TRAPPC8: variants seen among roughly 807,000 people sequenced by gnomAD.
TRAPPC8 encodes general sporulation gene 1 homolog.
Under a neutral mutation model 174.3 loss-of-function variants are expected in TRAPPC8, and 54 were observed. The observed-to-expected ratio is 0.31, with a 90% confidence interval of 0.25 to 0.39. The LOEUF (loss-of-function observed/expected upper bound fraction) is 0.39. TRAPPC8 is among the 10% of genes least tolerant of loss of function. The pLI is 1.00. For synonymous variants in TRAPPC8, 630 were observed against 579.9 expected (o/e 1.09, Z -1.24); for missense variants, 1,531 against 1,699.1 (o/e 0.90, Z 1.74).
intron 2 of TRAPPC8, among the ~76,000 whole-genome samples, chr18:31,919,581 TAAA>T (rs1568136564): frequency 9.4e-6 from 1 of 106,908 alleles, no homozygotes; most frequent in Non-Finnish European, 2.0e-5. Flanking sequence ...AATAAATAAA[TAAA>T]TAAATAAAAT....
In TRAPPC8 at chr18:31,870,486, T is replaced by C; in HGVS notation, c.2274A>G (p.Glu758=). 6.2e-7 allele frequency: 1 copy of C among 1,611,740 alleles called. No individual in the cohort carries two copies. Among genetic ancestry groups the C allele is most frequent in the South Asian group, 1.1e-5 (1 of 90,496 alleles). ...LAVVEEPITV[E]VAFRNPLKVL... is the part of the protein sequence containing the mutation. ...CTTTCAAAGGGTTTCTAAAAGCCAC[T>C]TCCACTGTAATTGGTTCTATTAAAA... The change falls in exon 16 of 29, where the codon GAA becomes GAG. Residue 758 remains glutamate (E), a synonymous_variant. Coordinates refer to ENST00000283351, the MANE Select transcript of TRAPPC8 (RefSeq NM_014939.5).
chr18:31,904,348 G>A (rs1272056437), intron 9 of TRAPPC8, among the ~76,000 whole-genome samples: 4 of 151,988 alleles, frequency 2.6e-5, no homozygotes, highest in East Asian at 1.9e-4. Context: ...TCTGGAGTTC[G>A]AGACCAGCCT....
At chr18:31,909,261 CT>C (rs2036805287) in intron 6 of TRAPPC8, among the ~76,000 whole-genome samples, 1 of 151,746 alleles carries the variant, frequency 6.6e-6, no homozygotes, top group Admixed American at 6.6e-5. Flanking sequence ...GAGAAAAATA[CT>C]TTATTTTAAA....
chr18:31,874,829 A>C, intron 12 of TRAPPC8, 125 bp from the exon 13 acceptor site: 1 of 723,276 alleles, frequency 1.4e-6, no homozygotes, highest in Non-Finnish European at 2.2e-6. Context: ...GACTGGGATA[A>C]TGAAGAAAAT....
At chr18:31,926,865 G>A (rs2037636998) in intron 2 of TRAPPC8, among the ~76,000 whole-genome samples, 1 of 152,206 alleles carries the variant, frequency 6.6e-6, no homozygotes, top group Non-Finnish European at 1.5e-5. Context: ...ATGAGATGGA[G>A]TGGAAAGGAT....
At chr18:31,928,714 AAC>A (rs1177215182) in intron 2 of TRAPPC8, among the ~76,000 whole-genome samples, 25 of 152,318 alleles carry the variant, frequency 1.6e-4, no homozygotes, top group African/African-American at 6.0e-4. Context: ...ATTACTGATT[AAC>A]ACGTTTGTCT....
At chr18:31,868,663 CTTAT>C (rs10569992) in intron 16 of TRAPPC8, among the ~76,000 whole-genome samples, 2,730 of 151,832 alleles carry the variant, frequency 0.018, 88 homozygotes, top group African/African-American at 0.058. Context: ...ACCAGCAAGA[CTTAT>C]TTATTTATTT....
intron 20 of TRAPPC8, among the ~76,000 whole-genome samples, chr18:31,856,296 G>T (rs1013192933): frequency 6.6e-6 from 1 of 151,930 alleles, no homozygotes; most frequent in South Asian, 2.1e-4. Flanking sequence ...GTAGAGATGG[G>T]GTTTCGCCAT....
chr18:31,931,453 G>A lies in TRAPPC8; in HGVS notation c.228C>T (p.Val76=), dbSNP rs768505160. Residue 76 remains valine, a synonymous_variant, in exon 2 of 29, where the codon GTC becomes GTT. Transcript: ENST00000283351. ...TGGCTCCAGGCTGAGGTGGCTGGGTGACAATGTTGCTTACTGCTATCTTCA... is the reference window on the plus strand; with the variant it reads ...TGGCTCCAGGCTGAGGTGGCTGGGTAACAATGTTGCTTACTGCTATCTTCA... ...KNLKIAVSNI[V]TQPPQPGAIR... 3.7e-6 allele frequency: 6 copies of A among 1,613,268 alleles called. No homozygotes were observed. In the South Asian group the frequency reaches 5.5e-5, roughly 15 times the overall value.
chr18:31,914,111 A>C lies in TRAPPC8; in HGVS notation c.618-589T>G, dbSNP rs115373756. 5.1e-3 allele frequency among the ~76,000 whole-genome samples: 765 copies of C among 150,062 alleles called. 5 individuals are homozygous for C. Among genetic ancestry groups the C allele is most frequent in the African/African-American group, 0.018 (727 of 40,654 alleles). ...CCAGGCACTGCACTCTAGCCTAGGC[A>C]ACAGAGTGAGACCCCCATCTCAAAA... On this transcript the variant is annotated intron_variant, in intron 4 of 28. Transcript: ENST00000283351.
In TRAPPC8 at chr18:31,880,121, A is replaced by ATT. The variant is rs56728828; in HGVS notation, c.1729-5419_1729-5418dup. Among the ~76,000 whole-genome samples the ATT allele has an allele frequency of 6.7e-3, 465 of 69,030 alleles. 5 individuals are homozygous for ATT. Among genetic ancestry groups the ATT allele is most frequent in the Non-Finnish European group, 7.8e-3 (274 of 34,954 alleles). The allele number at this position is 69,030 out of a possible 152,430, so 45.3% of individuals were successfully genotyped here. On this transcript the variant is annotated intron_variant, in intron 12 of 28. Coordinates refer to ENST00000283351, the MANE Select transcript of TRAPPC8 (RefSeq NM_014939.5). ...TATATATATATATATATATATATAT[A>ATT]TTTTTTTTTTTTTAAGGAAGAAAGA...
chr18:31,921,136 A>C (rs2037370149), intron 2 of TRAPPC8, among the ~76,000 whole-genome samples: 1 of 152,056 alleles, frequency 6.6e-6, no homozygotes, highest in African/African-American at 2.4e-5. Flanking sequence ...AAGTGAAAAA[A>C]GCGACAGCAG....
chr18:31,855,945 G>A (rs2033983852), intron 20 of TRAPPC8, 138 bp from the exon 21 acceptor site: 5 of 952,626 alleles, frequency 5.2e-6, no homozygotes, highest in South Asian at 1.9e-5. Flanking sequence ...AATACATTAA[G>A]TAAAATTACA....
At chr18:31,834,461 A>G (rs1050205847) in intron 27 of TRAPPC8, among the ~76,000 whole-genome samples, 1 of 152,150 alleles carries the variant, frequency 6.6e-6, no homozygotes, top group Non-Finnish European at 1.5e-5. Context: ...CTAAAATGCT[A>G]ATCTAATGAA....
chr18:31,900,895 A>G lies in TRAPPC8; in HGVS notation c.1490+30T>C, dbSNP rs890216223. On this transcript the variant is annotated intron_variant, in intron 10 of 28. Coordinates refer to ENST00000283351, the MANE Select transcript of TRAPPC8 (RefSeq NM_014939.5). ...AAAGAACAAACTGACCTTTAACTGG[A>G]TACAATATAAATCTTATATAGTCAC... is the stretch of plus-strand genomic sequence containing the variant. 12 of 1,485,132 alleles carry G rather than the reference A, an allele frequency of 8.1e-6. No individual in the cohort carries two copies. In the Admixed American group the frequency reaches 1.8e-4, roughly 22 times the overall value. 92.0% of individuals were successfully genotyped at this position (1,485,132 alleles called of 1,614,324 possible).
At chr18:31,888,538 A>G (rs2035821267) in intron 12 of TRAPPC8, among the ~76,000 whole-genome samples, 1 of 152,226 alleles carries the variant, frequency 6.6e-6, no homozygotes, top group Non-Finnish European at 1.5e-5. Context: ...GATAGAATGA[A>G]TAAAGAAAAT....
chr18:31,916,385 T>C lies in TRAPPC8; in HGVS notation c.504A>G (p.Gln168=). The C allele has an allele frequency of 1.9e-6, 3 of 1,613,960 alleles. No individual in the cohort carries two copies. The highest frequency in any genetic ancestry group is 2.5e-6 in the Non-Finnish European group (3 of 1,179,924). The part of the protein sequence containing the change: ...EPVEQFSKLS[Q]EQHRIQHNSD... ...TGTTGTGCTGAATTCGATGCTGTTC[T>C]TGTGACAACTTTGAAAACTGTTCCA... is the stretch of plus-strand genomic sequence containing the variant. Residue 168 remains glutamine, a synonymous_variant, in exon 4 of 29, where the codon CAA becomes CAG. Coordinates refer to ENST00000283351, the MANE Select transcript of TRAPPC8 (RefSeq NM_014939.5).
At chr18:31,914,954 T>C (rs2145526175) in intron 4 of TRAPPC8, among the ~76,000 whole-genome samples, 2 of 152,138 alleles carry the variant, frequency 1.3e-5, no homozygotes, top group Admixed American at 1.3e-4. Context: ...GCTATAAATA[T>C]GAAGTCACAA....
chr18:31,895,152 C>T (rs749520799), intron 11 of TRAPPC8, among the ~76,000 whole-genome samples: 3 of 152,050 alleles, frequency 2.0e-5, no homozygotes, highest in Non-Finnish European at 4.4e-5. Flanking sequence ...ACGGTATTAG[C>T]AAAAATCTAG....
Sources: allele counts gnomAD v4.1 joint callset (sites outside exome capture counted in the v4.1 genomes callset), GRCh38; gene constraint gnomAD v4.1.1; transcripts MANE v1.5; gene names NCBI Gene and HGNC (gene_info 2026-07-23, HGNC 2026-07-21).